Variants in XIRP2 observed in about 807,000 individuals in gnomAD.
XIRP2 encodes xin actin binding repeat containing 2.
Under a neutral mutation model 277.0 loss-of-function variants are expected in XIRP2, and 236 were observed. That is an observed-to-expected ratio of 0.85 (90% confidence interval 0.77 to 0.95). XIRP2 has a LOEUF of 0.95. Ranked by LOEUF, XIRP2 falls within the 40% of genes least tolerant of loss-of-function variation. XIRP2 has a pLI of 0.00. For missense variants in XIRP2, 4,640 were observed against 4,157.5 expected, an observed-to-expected ratio of 1.12 and a Z score of -3.19; for synonymous variants, 1,490 against 1,416.5, an observed-to-expected ratio of 1.05 and a Z score of -1.17.
At chr2:167,086,411 A>T (rs897288475) in intron 2 of XIRP2, among the ~76,000 whole-genome samples, 4 of 152,052 alleles carry the variant, frequency 2.6e-5, no homozygotes, top group Middle Eastern at 3.4e-3. Flanking sequence ...GAATCTGACA[A>T]TTATGTGTCT....
Position 167,243,325 on chromosome 2 carries a change from G to A in XIRP2, c.1933G>A (p.Glu645Lys). ...DTVENAEKIP[E>K]LARGDVCTAR... ...TGTAGAAAATGCAGAGAAAATTCCT[G>A]AGCTAGCCAGAGGAGATGTCTGCAC... The change falls in exon 9 of 11, where the codon GAG becomes AAG. Residue 645 changes from glutamate to lysine, a missense_variant. Transcript: ENST00000409195. 1.2e-6 allele frequency: 2 copies of A among 1,614,070 alleles called. No homozygotes were observed. Among genetic ancestry groups the A allele is most frequent in the Admixed American group, 1.7e-5 (1 of 60,018 alleles).
chr2:167,155,982 G>T (rs562513488), intron 3 of XIRP2, among the ~76,000 whole-genome samples: 28 of 149,968 alleles, frequency 1.9e-4, no homozygotes, highest in African/African-American at 6.9e-4. Flanking sequence ...AATCATGAGT[G>T]CACTCCCATT....
rs1479495872 is a variant in XIRP2 at position 167,240,761 on chromosome 2, C to CCTTTCTCCT, written c.1042+25_1042+26insCTTTCTCCT. 3.8e-6 allele frequency: 6 copies of CCTTTCTCCT among 1,590,298 alleles called. No individual in the cohort carries two copies. The Admixed American group carries it at 1.0e-4, about 27-fold the overall frequency. ...GGTAAGAGTCTGGTATTATTGGTTC[C>CCTTTCTCCT]AATACTCCTTTCTCCTATTGATGTG... On this transcript the variant is annotated intron_variant, in intron 7 of 10. Transcript: ENST00000409195.
intron 3 of XIRP2, among the ~76,000 whole-genome samples, chr2:167,150,963 G>A (rs1691998365): frequency 6.6e-6 from 1 of 152,032 alleles, no homozygotes; most frequent in South Asian, 2.1e-4. Context: ...AAATTTGCAA[G>A]AGACTTGCAA....
chr2:167,082,480 C>A (rs1338339889), intron 2 of XIRP2, among the ~76,000 whole-genome samples: 1 of 151,960 alleles, frequency 6.6e-6, no homozygotes, highest in African/African-American at 2.4e-5. Flanking sequence ...ATGGCTGGGT[C>A]AAATGGTATT....
chr2:167,015,454 CTATCTATCA>C lies in XIRP2; in HGVS notation c.408+111568_408+111576del, dbSNP rs199560490. Among the ~76,000 whole-genome samples the C allele has an allele frequency of 1.3e-3, 192 of 151,364 alleles. 1 individual carries two copies. The East Asian group carries it at 0.032, about 25-fold the overall frequency. ...TCTATCTATCTATCTATCTATCTATCTATCTATCATATTAAACTCATTATCATTCTATGG... is the reference window on the plus strand; with the variant it reads ...TCTATCTATCTATCTATCTATCTATCTATTAAACTCATTATCATTCTATGG... On this transcript the variant is annotated intron_variant, in intron 2 of 10. Transcript: ENST00000409195.
rs373661814 is a variant in XIRP2 at position 167,248,513 on chromosome 2, A to T, written c.7121A>T (p.Gln2374Leu). The T allele has an allele frequency of 2.9e-5, 47 of 1,613,606 alleles. 1 individual carries two copies. The African/African-American group carries it at 5.9e-4, about 20-fold the overall frequency. ...LPPPPPPTPS[Q>L]KPAHLLSSSA... ...CCTCCTCCTCCTCCAACTCCATCTC[A>T]AAAGCCAGCACATCTCCTTTCCTCC... Residue 2374 changes from glutamine to leucine, a missense_variant, in exon 9 of 11, where the codon CAA becomes CTA. Transcript: ENST00000409195.
intron 5 of XIRP2, among the ~76,000 whole-genome samples, chr2:167,225,118 C>A (rs1186776065): frequency 6.6e-6 from 1 of 152,098 alleles, no homozygotes; most frequent in African/African-American, 2.4e-5. Context: ...TGGAGCCTCA[C>A]AATAAATAAA....
intron 9 of XIRP2, among the ~76,000 whole-genome samples, chr2:167,253,803 C>T (rs929219401): frequency 6.6e-5 from 10 of 151,556 alleles, no homozygotes; most frequent in African/African-American, 1.2e-4. Flanking sequence ...AATGTCTACT[C>T]GTACAATCTA....
At chr2:167,234,651 T>C (rs1043092763) in intron 5 of XIRP2, among the ~76,000 whole-genome samples, 2 of 151,778 alleles carry the variant, frequency 1.3e-5, no homozygotes, top group Non-Finnish European at 3.0e-5. Context: ...ATAATCCAAC[T>C]AGCATACTCT....
rs778793225 is a variant in XIRP2 at position 167,210,913 on chromosome 2, GT to G, written c.723+22del. ...CTGCTAATGTAAGCTGCTCCTAATGGTTTTGCACTAGGCAATGTGCTTACTG... is the reference window on the plus strand; with the variant it reads ...CTGCTAATGTAAGCTGCTCCTAATGGTTTGCACTAGGCAATGTGCTTACTG... On this transcript the variant is annotated intron_variant, in intron 4 of 10. Transcript: ENST00000409195. The G allele has an allele frequency of 2.5e-6, 4 of 1,613,422 alleles. No homozygotes were observed. The Admixed American group carries it at 6.7e-5, about 27-fold the overall frequency.
intron 2 of XIRP2, among the ~76,000 whole-genome samples, chr2:167,094,860 A>C (rs1012938969): frequency 6.6e-6 from 1 of 152,178 alleles, no homozygotes; most frequent in Non-Finnish European, 1.5e-5. Context: ...GAAGGAAGCC[A>C]ATTGTAGCTT....
At chr2:167,177,022 C>G (rs1692866198) in intron 3 of XIRP2, among the ~76,000 whole-genome samples, 1 of 152,192 alleles carries the variant, frequency 6.6e-6, no homozygotes, top group South Asian at 2.1e-4. Flanking sequence ...CAGTAGATCT[C>G]ATTGCAGCTG....
At chr2:167,130,244 G>A (rs1483452507) in intron 2 of XIRP2, among the ~76,000 whole-genome samples, 1 of 151,786 alleles carries the variant, frequency 6.6e-6, no homozygotes, top group African/African-American at 2.4e-5. Context: ...AAAAACCCCT[G>A]CTCATCTGAG....
At chr2:166,959,464 A>G (rs1255206512) in intron 2 of XIRP2, among the ~76,000 whole-genome samples, 2 of 151,820 alleles carry the variant, frequency 1.3e-5, no homozygotes, top group Non-Finnish European at 2.9e-5. Flanking sequence ...GTGTACTTAC[A>G]GTATGTGTCT....
At chr2:166,958,327 C>A (rs939427685) in intron 2 of XIRP2, among the ~76,000 whole-genome samples, 8 of 151,800 alleles carry the variant, frequency 5.3e-5, no homozygotes, top group African/African-American at 1.9e-4. Flanking sequence ...GCAAGTAAAT[C>A]TAATAGAGAG....
chr2:167,054,999 G>C (rs896191669), intron 2 of XIRP2, among the ~76,000 whole-genome samples: 2 of 152,286 alleles, frequency 1.3e-5, no homozygotes, highest in Admixed American at 1.3e-4. Flanking sequence ...CTATGGGTTA[G>C]AATTTTGATC....
chr2:166,966,277 C>A (rs1306026792), intron 2 of XIRP2, among the ~76,000 whole-genome samples: 1 of 151,664 alleles, frequency 6.6e-6, no homozygotes, highest in Non-Finnish European at 1.5e-5. Context: ...TGAAAAATTT[C>A]TTAAATTACT....
chr2:167,084,458 A>C (rs1456592251), intron 2 of XIRP2, among the ~76,000 whole-genome samples: 10 of 151,122 alleles, frequency 6.6e-5, no homozygotes, highest in South Asian at 2.1e-4. Context: ...GGCCTCATAA[A>C]ATGAGTTAGG....
Sources: gnomAD v4.1 joint callset for allele counts (sites outside exome capture counted in the v4.1 genomes callset) on GRCh38, gnomAD v4.1.1 for gene constraint, MANE v1.5 for transcripts, NCBI Gene and HGNC (gene_info 2026-07-23, HGNC 2026-07-21) for gene names.